ANXA8: variants seen among roughly 807,000 people sequenced by gnomAD.
ANXA8 encodes annexin A8, also known as VAC-beta.
A neutral mutation model predicts 26.8 loss-of-function variants in ANXA8; 9 were observed. That is an observed-to-expected ratio of 0.34 (90% CI 0.20 to 0.59). The LOEUF (loss-of-function observed/expected upper bound fraction) is 0.59, where lower values mean the gene tolerates loss of function less well. Ranked by LOEUF, ANXA8 falls within the 20% of genes least tolerant of loss-of-function variation. The probability of loss-of-function intolerance (pLI) is 0.84; values close to 1 mark genes in which losing one functional copy is unlikely to be tolerated. For missense variants in ANXA8, 83 were observed against 238.5 expected (o/e 0.35, Z 4.29); for synonymous variants, 39 against 94.8 (o/e 0.41, Z 3.42).
At chr10:47,764,262 T>C in the ANXA8 span, among the ~76,000 whole-genome samples, 1 of 151,170 alleles carries the variant, frequency 6.6e-6, no homozygotes, top group Non-Finnish European at 1.5e-5. Context: ...GGGGCCTGGG[T>C]CCCACCCAAG....
chr10:47,525,289 C>T, the ANXA8 span, among the ~76,000 whole-genome samples: 1 of 130,318 alleles, frequency 7.7e-6, no homozygotes, highest in Non-Finnish European at 1.6e-5. Context: ...GCCTGTAATC[C>T]CAGCTACTCA....
the ANXA8 span, among the ~76,000 whole-genome samples, chr10:47,559,142 CTTT>C: frequency 5.9e-4 from 43 of 73,304 alleles, no homozygotes; most frequent in East Asian, 1.4e-3. Flanking sequence ...TGGAGTCTTA[CTTT>C]TTTTTTTTTT....
chr10:47,918,383 G>GAGAGAAAGAAAGAA, the ANXA8 span, among the ~76,000 whole-genome samples: 1 of 10,504 alleles, frequency 9.5e-5, no homozygotes. Context: ...GAGAGAGAGA[G>GAGAGAAAGAAAGAA]AGAAAGAAAG....
At chr10:47,952,021 G>C in the ANXA8 span, among the ~76,000 whole-genome samples, 1 of 150,404 alleles carries the variant, frequency 6.6e-6, no homozygotes, top group Admixed American at 6.6e-5. Flanking sequence ...GATCTAGATA[G>C]ATGTTATAAA....
At chr10:47,680,333 G>A in the ANXA8 span, among the ~76,000 whole-genome samples, 2 of 151,836 alleles carry the variant, frequency 1.3e-5, no homozygotes, top group East Asian at 1.9e-4. Flanking sequence ...ACATGGATAT[G>A]TATCAAAACA....
chr10:47,542,114 A>G, the ANXA8 span: 1 of 837,326 alleles, frequency 1.2e-6, no homozygotes, highest in East Asian at 4.2e-5. Context: ...TATGGGTGAT[A>G]CAATCTTCTG....
the ANXA8 span, among the ~76,000 whole-genome samples, chr10:47,651,409 T>C: frequency 6.6e-6 from 1 of 151,560 alleles, no homozygotes. Context: ...TGGGAAACAG[T>C]CTGGCAGTTC....
the ANXA8 span, among the ~76,000 whole-genome samples, chr10:47,657,056 A>G: frequency 6.8e-6 from 1 of 147,028 alleles, no homozygotes; most frequent in South Asian, 2.1e-4. Flanking sequence ...TTATTTTTCT[A>G]TTTGAGAGCC....
the ANXA8 span, among the ~76,000 whole-genome samples, chr10:47,898,937 A>T: frequency 6.8e-6 from 1 of 147,168 alleles, no homozygotes; most frequent in African/African-American, 2.6e-5. Context: ...AGGTTCAATC[A>T]ATTCCTGTGC....
At chr10:47,733,219 T>TCTCTCTCTCTCTCTC in the ANXA8 span, among the ~76,000 whole-genome samples, 18 of 68,102 alleles carry the variant, frequency 2.6e-4, no homozygotes, top group African/African-American at 9.0e-4. Flanking sequence ...CTTTCTTTCT[T>TCTCTCTCTCTCTCTC]TCTCTTTCTT....
At chr10:47,628,013 T>A in the ANXA8 span, among the ~76,000 whole-genome samples, 1 of 150,454 alleles carries the variant, frequency 6.6e-6, no homozygotes, top group Non-Finnish European at 1.5e-5. Context: ...TCAATAATTA[T>A]CTGCTCTCCT....
At chr10:47,645,868 C>A in the ANXA8 span, among the ~76,000 whole-genome samples, 6 of 149,730 alleles carry the variant, frequency 4.0e-5, no homozygotes, top group Admixed American at 3.9e-4. Flanking sequence ...GGACATCCAT[C>A]TTCTCTTATC....
the ANXA8 span, among the ~76,000 whole-genome samples, chr10:47,557,639 A>G: frequency 6.6e-6 from 1 of 151,726 alleles, no homozygotes; most frequent in Non-Finnish European, 1.5e-5. Context: ...GTTATTTTAT[A>G]AATAGTTGCT....
chr10:47,561,605 T>A, the ANXA8 span, among the ~76,000 whole-genome samples: 1 of 151,856 alleles, frequency 6.6e-6, no homozygotes, highest in Non-Finnish European at 1.5e-5. Flanking sequence ...TACATGTATG[T>A]CAAAATTTTT....
At chr10:47,621,582 G>T in the ANXA8 span, among the ~76,000 whole-genome samples, 1 of 109,578 alleles carries the variant, frequency 9.1e-6, no homozygotes, top group Non-Finnish European at 2.0e-5. Context: ...TTGTTATTGG[G>T]TCTATGGGTG....
At chr10:47,624,392 C>T in the ANXA8 span, among the ~76,000 whole-genome samples, 4 of 125,646 alleles carry the variant, frequency 3.2e-5, no homozygotes, top group Admixed American at 1.7e-4. Context: ...TTTTTGGCTG[C>T]TTTCTGTCTA....
At chr10:47,769,772 T>C in the ANXA8 span, among the ~76,000 whole-genome samples, 1 of 152,428 alleles carries the variant, frequency 6.6e-6, no homozygotes, top group African/African-American at 2.4e-5. Flanking sequence ...AAGTTCTCTC[T>C]TCCCTGTACC....
the ANXA8 span, among the ~76,000 whole-genome samples, chr10:47,533,225 C>CACACACACACACATACACACA: frequency 1.1e-3 from 110 of 98,342 alleles, no homozygotes; most frequent in Middle Eastern, 9.3e-3. Flanking sequence ...ACACACACAC[C>CACACACACACACATACACACA]CCCGCAGACA....
the ANXA8 span, among the ~76,000 whole-genome samples, chr10:47,548,086 T>C: frequency 7.0e-6 from 1 of 142,856 alleles, no homozygotes; most frequent in Non-Finnish European, 1.5e-5. Flanking sequence ...TTTTTACTAA[T>C]AGTAGCATTA....
Sources: gnomAD v4.1 joint callset for allele counts (sites outside exome capture counted in the v4.1 genomes callset) on GRCh38, gnomAD v4.1.1 for gene constraint, MANE v1.5 for transcripts, NCBI Gene and HGNC (gene_info 2026-07-23, HGNC 2026-07-21) for gene names.